Variants in CLEC2L observed in about 807,000 individuals in gnomAD.
The protein encoded by CLEC2L is C-type lectin domain family 2, member L.
In CLEC2L, 14 loss-of-function variants were observed where a neutral mutation model predicts 23.6. The observed-to-expected ratio is 0.59, with a 90% confidence interval of 0.39 to 0.93. The LOEUF (loss-of-function observed/expected upper bound fraction) is 0.93, where lower values mean the gene tolerates loss of function less well. Ranked by LOEUF, CLEC2L falls within the 40% of genes least tolerant of loss-of-function variation. The probability of loss-of-function intolerance (pLI) is 0.00; values close to 1 mark genes in which losing one functional copy is unlikely to be tolerated. For synonymous variants in CLEC2L, 114 were observed against 121.3 expected (o/e 0.94, Z 0.40); for missense variants, 264 against 282.4 (o/e 0.93, Z 0.47).
At chr7:139,536,712 C>A (rs561999143) in intron 2 of CLEC2L, among the ~76,000 whole-genome samples, 2 of 151,850 alleles carry the variant, frequency 1.3e-5, no homozygotes, top group African/African-American at 4.8e-5. Context: ...CAGTGGCTCA[C>A]GCCTGTAATC....
intron 2 of CLEC2L, among the ~76,000 whole-genome samples, chr7:139,537,441 G>A (rs1797675389): frequency 6.6e-6 from 1 of 152,232 alleles, no homozygotes; most frequent in Non-Finnish European, 1.5e-5. Flanking sequence ...TGGGTTTCAA[G>A]GGCTGGTGAA....
intron 1 of CLEC2L, among the ~76,000 whole-genome samples, chr7:139,526,757 G>C (rs903019824): frequency 1.3e-5 from 2 of 152,220 alleles, no homozygotes; most frequent in African/African-American, 4.8e-5. Context: ...AGTGTGGGCT[G>C]TGTGTATGGT....
intron 1 of CLEC2L, among the ~76,000 whole-genome samples, chr7:139,531,222 A>AG (rs1028128108): frequency 1.3e-5 from 2 of 152,206 alleles, no homozygotes; most frequent in African/African-American, 4.8e-5. Context: ...TTATACAGGG[A>AG]GAAATAATCT....
intron 4 of CLEC2L, 29 bp from the exon 5 acceptor site, chr7:139,544,202 A>G: frequency 6.4e-7 from 1 of 1,559,388 alleles, no homozygotes; most frequent in Non-Finnish European, 8.8e-7. Context: ...TCCAGATCAT[A>G]AACGCCTGGT....
intron 1 of CLEC2L, among the ~76,000 whole-genome samples, chr7:139,536,071 A>G (rs1030780930): frequency 1.3e-5 from 2 of 152,102 alleles, no homozygotes; most frequent in African/African-American, 4.8e-5. Context: ...TTGGGAGGCC[A>G]AGGCGGGTGG....
intron 1 of CLEC2L, among the ~76,000 whole-genome samples, chr7:139,530,976 T>C (rs1797573471): frequency 6.6e-6 from 1 of 152,176 alleles, no homozygotes; most frequent in African/African-American, 2.4e-5. Flanking sequence ...GCCTCCTCCA[T>C]GGACTCTCAT....
rs148542431 is a variant in CLEC2L, at chr7:139,544,688, G to A, written c.*346G>A. On this transcript the variant is annotated 3_prime_UTR_variant, in exon 5 of 5. Transcript: ENST00000422142. ...TGAGCCACCCCACAGATCTCTCTCC[G>A]GCCCCCTAGAAGCCCTCTCCTCACT... 1.9e-4 allele frequency: 39 copies of A among 207,892 alleles called. No individual in the cohort carries two copies. In the East Asian group the frequency reaches 4.6e-3, roughly 25 times the overall value. The allele number at this position is 207,892 out of a possible 1,614,324, so 12.9% of individuals were successfully genotyped here. A position where few individuals can be genotyped will look rare whatever the true frequency, so the allele number is the denominator to read the frequency against.
chr7:139,526,189 G>A (rs911361320), intron 1 of CLEC2L, among the ~76,000 whole-genome samples: 1 of 152,104 alleles, frequency 6.6e-6, no homozygotes, highest in Non-Finnish European at 1.5e-5. Flanking sequence ...CTTCTTGGGT[G>A]CCCCCAAGCT....
At chr7:139,526,901 T>C (rs908149434) in intron 1 of CLEC2L, among the ~76,000 whole-genome samples, 1 of 152,176 alleles carries the variant, frequency 6.6e-6, no homozygotes, top group African/African-American at 2.4e-5. Flanking sequence ...AGTCCAGAGT[T>C]CACGTAATGA....
chr7:139,526,443 CCT>C (rs903070923), intron 1 of CLEC2L, among the ~76,000 whole-genome samples: 28 of 152,234 alleles, frequency 1.8e-4, no homozygotes, highest in African/African-American at 6.5e-4. Context: ...CAGGGCTGCT[CCT>C]CTCCAGGGTG....
At chr7:139,536,184 C>T (rs1254428094) in intron 1 of CLEC2L, 90 bp from the exon 2 acceptor site, 1 of 962,840 alleles carries the variant, frequency 1.0e-6, no homozygotes, top group Non-Finnish European at 1.6e-6. Flanking sequence ...CTCTACCTCC[C>T]CCTGTTTCTC....
rs1372658694 is a variant in CLEC2L, at chr7:139,542,057, A to G, written c.469A>G (p.Ile157Val). 6.2e-7 allele frequency: 1 copy of G among 1,613,244 alleles called. No homozygotes were observed. The highest frequency in any genetic ancestry group is 1.1e-5 in the South Asian group (1 of 90,760). ...CAAGTTCACGCGGAGGGAGCCCTGG[A>G]TTGGACTACGCAGAGTTGGGGACGA... ...MFKFTRREPW[I>V]GLRRVGDEFH... is the part of the protein sequence containing the mutation. Residue 157 changes from isoleucine to valine, a missense_variant, in exon 4 of 5, where the codon ATT (isoleucine) becomes GTT (valine). Coordinates refer to ENST00000422142, the MANE Select transcript of CLEC2L (RefSeq NM_001080511.4).
chr7:139,532,215 C>G (rs1797591653), intron 1 of CLEC2L, among the ~76,000 whole-genome samples: 1 of 152,178 alleles, frequency 6.6e-6, no homozygotes, highest in South Asian at 2.1e-4. Context: ...CTATAATACT[C>G]AGTCCTCTGA....
chr7:139,531,268 T>C (rs1797579212), intron 1 of CLEC2L, among the ~76,000 whole-genome samples: 1 of 152,082 alleles, frequency 6.6e-6, no homozygotes, highest in African/African-American at 2.4e-5. Flanking sequence ...AAAAAACCTG[T>C]CAGTCATATC....
chr7:139,529,974 A>G (rs531533734), intron 1 of CLEC2L, among the ~76,000 whole-genome samples: 5 of 151,508 alleles, frequency 3.3e-5, no homozygotes, highest in Non-Finnish European at 4.4e-5. Context: ...AGGCTGAGGC[A>G]GGAGAATCAC....
chr7:139,534,837 GT>G (rs1569427007), intron 1 of CLEC2L, among the ~76,000 whole-genome samples: 1 of 150,982 alleles, frequency 6.6e-6, no homozygotes, highest in African/African-American at 2.4e-5. Context: ...TCCTTCCACT[GT>G]TTATATCTGC....
chr7:139,526,381 A>G (rs944756406), intron 1 of CLEC2L, among the ~76,000 whole-genome samples: 1 of 152,050 alleles, frequency 6.6e-6, no homozygotes, highest in Admixed American at 6.6e-5. Context: ...GCGGACCCAG[A>G]CGGAAGGAGA....
intron 1 of CLEC2L, 89 bp from the exon 2 acceptor site, chr7:139,536,185 C>A (rs947989910): frequency 1.0e-6 from 1 of 981,978 alleles, no homozygotes; most frequent in Non-Finnish European, 1.5e-6. Context: ...TCTACCTCCC[C>A]CTGTTTCTCA....
At chr7:139,524,546 C>T (rs1022748272) in intron 1 of CLEC2L, among the ~76,000 whole-genome samples, 6 of 151,970 alleles carry the variant, frequency 3.9e-5, no homozygotes, top group African/African-American at 1.5e-4. Context: ...CTGTGAGAGC[C>T]GCGGGGACCC....
Sources: allele counts gnomAD v4.1 joint callset (sites outside exome capture counted in the v4.1 genomes callset), GRCh38; gene constraint gnomAD v4.1.1; transcripts MANE v1.5; gene names NCBI Gene and HGNC (gene_info 2026-07-23, HGNC 2026-07-21).